Variants in NTN4 observed in about 807,000 individuals in gnomAD.
The protein encoded by NTN4 is netrin 4, also known as netrin-4.
A neutral mutation model predicts 73.6 loss-of-function variants in NTN4; 32 were observed. That is an observed-to-expected ratio of 0.44 (90% CI 0.33 to 0.58). The LOEUF is 0.58. Ranked by LOEUF, NTN4 falls within the 20% of genes least tolerant of loss-of-function variation. NTN4 has a pLI of 0.04. For synonymous variants in NTN4, 258 were observed against 287.5 expected, an observed-to-expected ratio of 0.90 and a Z score of 1.04; for missense variants, 654 against 798.3, an observed-to-expected ratio of 0.82 and a Z score of 2.18.
intron 5 of NTN4, among the ~76,000 whole-genome samples, chr12:95,693,509 T>C (rs1235409470): frequency 2.0e-5 from 3 of 151,754 alleles, no homozygotes; most frequent in African/African-American, 7.3e-5. Flanking sequence ...GGCAGGCAGA[T>C]CGCTTAGGGT....
At chr12:95,744,389 T>G (rs1193212826) in intron 2 of NTN4, among the ~76,000 whole-genome samples, 1 of 152,210 alleles carries the variant, frequency 6.6e-6, no homozygotes, top group Non-Finnish European at 1.5e-5. Flanking sequence ...AGCTATATCT[T>G]TATATTTAAA....
intron 2 of NTN4, among the ~76,000 whole-genome samples, chr12:95,740,238 C>T (rs933562152): frequency 6.6e-6 from 1 of 152,216 alleles, no homozygotes; most frequent in African/African-American, 2.4e-5. Context: ...AGTACAGATG[C>T]TTCCAACTTC....
intron 5 of NTN4, among the ~76,000 whole-genome samples, chr12:95,703,635 T>C (rs1418133981): frequency 6.6e-6 from 1 of 152,174 alleles, no homozygotes; most frequent in East Asian, 1.9e-4. Context: ...ATAGCAAAAT[T>C]TCCCCTCACA....
At chr12:95,675,480 A>ATAT (rs1555213997) in intron 7 of NTN4, among the ~76,000 whole-genome samples, 1 of 151,772 alleles carries the variant, frequency 6.6e-6, no homozygotes, top group Non-Finnish European at 1.5e-5. Flanking sequence ...TCATAATAAA[A>ATAT]TGTTGGGAAA....
intron 2 of NTN4, among the ~76,000 whole-genome samples, chr12:95,786,171 T>C (rs760366382): frequency 6.6e-6 from 1 of 152,254 alleles, no homozygotes; most frequent in Non-Finnish European, 1.5e-5. Flanking sequence ...TTTCTTCATC[T>C]ACTTATTGAA....
rs1462454659 is a variant in NTN4 at position 95,682,712 on chromosome 12, T to A, written c.1505A>T (p.His502Leu). The A allele has an allele frequency of 6.2e-7, 1 of 1,606,940 alleles. No homozygotes were observed. The highest frequency in any genetic ancestry group is 2.2e-5 in the East Asian group (1 of 44,776). ...CCTGGTTACATCCATCTCACCTGAGTGTAGAAGTGCAGAAAACCCCTGCGC... is the reference window on the plus strand; with the variant it reads ...CCTGGTTACATCCATCTCACCTGAGAGTAGAAGTGCAGAAAACCCCTGCGC... ...EDAQGFSALL[H>L]SGKCECKEQT... is the part of the protein sequence containing the mutation. Residue 502 changes from histidine to leucine, a missense_variant, in exon 7 of 10, where the codon CAC becomes CTC. By Grantham distance (99) the His-to-Leu change is moderately conservative (BLOSUM62 -3). Coordinates refer to ENST00000343702, the MANE Select transcript of NTN4 (RefSeq NM_021229.4).
intron 3 of NTN4, among the ~76,000 whole-genome samples, chr12:95,727,858 T>C (rs1157829635): frequency 6.6e-6 from 1 of 152,202 alleles, no homozygotes; most frequent in Non-Finnish European, 1.5e-5. Context: ...TTGATAGATA[T>C]CACAGTGAAT....
At chr12:95,698,953 ATTATTATG>A (rs2078462576) in intron 5 of NTN4, among the ~76,000 whole-genome samples, 1 of 151,238 alleles carries the variant, frequency 6.6e-6, no homozygotes, top group Non-Finnish European at 1.5e-5. Flanking sequence ...CCTTAGTATG[ATTATTATG>A]TTATGACATA....
At chr12:95,683,892 A>G (rs889921118) in intron 5 of NTN4, among the ~76,000 whole-genome samples, 181 bp from the exon 6 acceptor site, 2 of 152,262 alleles carry the variant, frequency 1.3e-5, no homozygotes, top group African/African-American at 4.8e-5. Context: ...TAAGCGAGAT[A>G]TAATCAGAAA....
chr12:95,685,411 C>A (rs2078353853), intron 5 of NTN4, among the ~76,000 whole-genome samples: 1 of 152,186 alleles, frequency 6.6e-6, no homozygotes, highest in Non-Finnish European at 1.5e-5. Context: ...CTCTGCCTCC[C>A]AGAGCCTCTG....
intron 3 of NTN4, among the ~76,000 whole-genome samples, chr12:95,729,829 C>G (rs181430563): frequency 6.6e-6 from 1 of 152,068 alleles, no homozygotes. Flanking sequence ...AAATGAAATA[C>G]CATGGAGACA....
At chr12:95,671,333 C>A (rs566999517) in intron 7 of NTN4, among the ~76,000 whole-genome samples, 1 of 152,230 alleles carries the variant, frequency 6.6e-6, no homozygotes, top group African/African-American at 2.4e-5. Context: ...GGACCCCAAA[C>A]CCCTGGCCGT....
chr12:95,680,765 A>C (rs2078308909), intron 7 of NTN4, among the ~76,000 whole-genome samples: 1 of 152,146 alleles, frequency 6.6e-6, no homozygotes, highest in South Asian at 2.1e-4. Flanking sequence ...TTCAGTGGCT[A>C]TTTACAGGTG....
rs573015896 is a variant in NTN4 at position 95,737,571 on chromosome 12, A to G, written c.864+295T>C. On this transcript the variant is annotated intron_variant, in intron 3 of 9. Coordinates refer to ENST00000343702, the MANE Select transcript of NTN4 (RefSeq NM_021229.4). ...GCTTGTGTGTGATAATACCACTAAT[A>G]TAATCATGCCATCCTCTCACTCCTG... 2.6e-5 allele frequency among the ~76,000 whole-genome samples: 4 copies of G among 152,278 alleles called. No individual in the cohort carries two copies. The East Asian group carries it at 7.7e-4, about 29-fold the overall frequency.
At chr12:95,718,570 C>T (rs1005559224) in intron 3 of NTN4, among the ~76,000 whole-genome samples, 11 of 152,028 alleles carry the variant, frequency 7.2e-5, no homozygotes, top group African/African-American at 2.4e-4. Context: ...TTTTTGAGCC[C>T]CCAGATTAGG....
chr12:95,716,967 G>A (rs1176221834), intron 3 of NTN4, among the ~76,000 whole-genome samples: 2 of 151,856 alleles, frequency 1.3e-5, no homozygotes, highest in Non-Finnish European at 2.9e-5. Flanking sequence ...ATGTCACCAT[G>A]CCCAGCTAAT....
intron 2 of NTN4, among the ~76,000 whole-genome samples, chr12:95,774,564 A>G (rs936237840): frequency 6.6e-6 from 1 of 152,250 alleles, no homozygotes; most frequent in African/African-American, 2.4e-5. Context: ...TCCTACTCAT[A>G]TAAGACTTTG....
intron 5 of NTN4, among the ~76,000 whole-genome samples, chr12:95,691,677 G>C (rs181352662): frequency 6.6e-6 from 1 of 152,152 alleles, no homozygotes; most frequent in Non-Finnish European, 1.5e-5. Context: ...TTACAGGCGT[G>C]AGCCACCATG....
chr12:95,773,007 T>C (rs536606952), intron 2 of NTN4, among the ~76,000 whole-genome samples: 22 of 148,642 alleles, frequency 1.5e-4, no homozygotes, highest in Non-Finnish European at 3.0e-4. Flanking sequence ...CTTTTTTCTT[T>C]TTTCTTTTTT....
Sources: allele counts gnomAD v4.1 joint callset (sites outside exome capture counted in the v4.1 genomes callset), GRCh38; gene constraint gnomAD v4.1.1; transcripts MANE v1.5; gene names NCBI Gene and HGNC (gene_info 2026-07-23, HGNC 2026-07-21).